The following TENT5D variants were observed in gnomAD, a reference collection of about 807,000 sequenced individuals.
TENT5D encodes terminal nucleotidyltransferase 5D.
For missense variants in TENT5D, 191 were observed against 287.0 expected (o/e 0.67, Z 2.42); for synonymous variants, 103 against 100.6 (o/e 1.02, Z -0.15).
At chrX:80,350,443 C>CT (rs1304363174) in intron 3 of TENT5D, among the ~76,000 whole-genome samples, 3 of 110,395 alleles carry the variant, frequency 2.7e-5, no homozygotes, top group Non-Finnish European at 5.7e-5. Context: ...GGTTTAAAGT[C>CT]TTTTTTATCA....
intron 3 of TENT5D, among the ~76,000 whole-genome samples, chrX:80,407,410 A>G (rs1301128402): frequency 9.1e-6 from 1 of 109,901 alleles, no homozygotes; most frequent in East Asian, 2.8e-4. Flanking sequence ...AGGAAGATCT[A>G]CCAAGCAAAT....
chrX:80,426,088 A>G (rs748268368), intron 1 of TENT5D, among the ~76,000 whole-genome samples: 103 of 111,033 alleles, frequency 9.3e-4, no homozygotes, highest in African/African-American at 3.3e-3. Flanking sequence ...ATTAAACATT[A>G]CTTTGGCAAT....
At chrX:80,413,387 C>T (rs1931709158) in intron 3 of TENT5D, among the ~76,000 whole-genome samples, 1 of 111,597 alleles carries the variant, frequency 9.0e-6, no homozygotes, top group African/African-American at 3.3e-5. Flanking sequence ...ATTCATAAGA[C>T]ATGGTTTTGA....
intron 3 of TENT5D, among the ~76,000 whole-genome samples, chrX:80,378,431 A>T (rs1930778697): frequency 9.0e-6 from 1 of 111,665 alleles, no homozygotes; most frequent in Non-Finnish European, 1.9e-5. Context: ...TAAGGAAGGG[A>T]TACAGTTTCA....
intron 3 of TENT5D, among the ~76,000 whole-genome samples, chrX:80,351,143 G>A (rs939258928): frequency 9.0e-6 from 1 of 110,738 alleles, no homozygotes; most frequent in Non-Finnish European, 1.9e-5. Context: ...TTCTCAAGGA[G>A]TATCTTAGTG....
chrX:80,337,333 G>A (rs1929871168), intron 2 of TENT5D, among the ~76,000 whole-genome samples: 1 of 111,537 alleles, frequency 9.0e-6, no homozygotes, highest in African/African-American at 3.3e-5. Flanking sequence ...TACCCTTTAA[G>A]TTCCCTTGTA....
intron 2 of TENT5D, among the ~76,000 whole-genome samples, chrX:80,339,155 A>G (rs1272549117): frequency 9.0e-6 from 1 of 111,402 alleles, no homozygotes; most frequent in Non-Finnish European, 1.9e-5. Context: ...TATTCAACCT[A>G]GGTCTTCTTG....
rs189993959 is a variant in TENT5D, at chrX:80,368,734, G to C, written c.-142+26170G>C. ...TACAAATGTACATATTTTTAAAACAGAATTACTTAGAGCTGTTACTGAATT... is the reference window on the plus strand; with the variant it reads ...TACAAATGTACATATTTTTAAAACACAATTACTTAGAGCTGTTACTGAATT... On this transcript the variant is annotated intron_variant, in intron 3 of 4. Transcript: ENST00000538312. 5.4e-5 allele frequency among the ~76,000 whole-genome samples: 6 copies of C among 111,552 alleles called. No homozygotes were observed. In the East Asian group the frequency reaches 1.1e-3, roughly 21 times the overall value.
At chrX:80,430,354 C>T (rs1312687550) in intron 1 of TENT5D, among the ~76,000 whole-genome samples, 2 of 110,969 alleles carry the variant, frequency 1.8e-5, no homozygotes. Context: ...GTGTTACAGC[C>T]AGAGGAGCCG....
At chrX:80,402,464 T>C (rs11796359) in intron 3 of TENT5D, among the ~76,000 whole-genome samples, 13,016 of 111,581 alleles carry the variant, frequency 0.12, 669 homozygotes, top group South Asian at 0.37. Flanking sequence ...TTATTTTTTC[T>C]ATTTCATTAA....
At chrX:80,409,699 C>T (rs1931596943) in intron 3 of TENT5D, among the ~76,000 whole-genome samples, 1 of 110,124 alleles carries the variant, frequency 9.1e-6, no homozygotes, top group Admixed American at 9.7e-5. Context: ...TCAATGCCAT[C>T]CCCATCAAGC....
intron 3 of TENT5D, among the ~76,000 whole-genome samples, chrX:80,403,283 A>C (rs961158914): frequency 1.8e-5 from 2 of 112,486 alleles, no homozygotes; most frequent in African/African-American, 6.4e-5. Context: ...TAAGGTTTAA[A>C]AAAATGAATC....
At chrX:80,343,410 T>G (rs1251198111) in intron 3 of TENT5D, among the ~76,000 whole-genome samples, 5 of 99,349 alleles carry the variant, frequency 5.0e-5, no homozygotes, top group African/African-American at 1.2e-4. Flanking sequence ...TTTTTTTTTT[T>G]GTCTGAGATG....
chrX:80,421,100 AT>A (rs927045416), intron 1 of TENT5D, among the ~76,000 whole-genome samples: 6 of 111,795 alleles, frequency 5.4e-5, no homozygotes, highest in Admixed American at 1.9e-4. Flanking sequence ...ACATATCTGT[AT>A]TTTTTTTATA....
Position 80,388,166 on chromosome X carries a change from C to T in TENT5D, c.-142+45602C>T, listed in dbSNP as rs1250932193. Among the ~76,000 whole-genome samples, 8 of 110,902 alleles carry T rather than the reference C, an allele frequency of 7.2e-5. No homozygotes were observed. In the East Asian group the frequency reaches 1.7e-3, roughly 24 times the overall value. ...CTGGCCCAGGGAAGGTCCATAAATG[C>T]TGTCCAAGCGCCAAGGCCTAGAATC... On this transcript the variant is annotated intron_variant, in intron 3 of 4. Transcript: ENST00000538312.
chrX:80,355,268 G>A (rs765321849), intron 3 of TENT5D, among the ~76,000 whole-genome samples: 1 of 111,765 alleles, frequency 8.9e-6, no homozygotes, highest in East Asian at 2.8e-4. Flanking sequence ...CTGCTGACAC[G>A]CACTTTGACT....
chrX:80,349,271 G>C, intron 3 of TENT5D, among the ~76,000 whole-genome samples: 1 of 111,654 alleles, frequency 9.0e-6, no homozygotes, highest in East Asian at 2.8e-4. Context: ...GAATTCGGCT[G>C]TTATTCTGTC....
chrX:80,382,706 C>A (rs1930894977), intron 3 of TENT5D, among the ~76,000 whole-genome samples: 1 of 108,736 alleles, frequency 9.2e-6, no homozygotes, highest in Non-Finnish European at 1.9e-5. Context: ...TGGCGGACGC[C>A]CCCCCCCCAC....
chrX:80,431,602 G>A (rs768237064), intron 1 of TENT5D, among the ~76,000 whole-genome samples: 3 of 111,872 alleles, frequency 2.7e-5, no homozygotes, highest in Admixed American at 9.5e-5. Flanking sequence ...CATGTTGGAA[G>A]GCAAGGAGGA....
Sources: gnomAD v4.1 joint callset for allele counts (sites outside exome capture counted in the v4.1 genomes callset) on GRCh38, gnomAD v4.1.1 for gene constraint, MANE v1.5 for transcripts, NCBI Gene and HGNC (gene_info 2026-07-23, HGNC 2026-07-21) for gene names.